Variants in COG3 observed in about 807,000 individuals in gnomAD.
COG3 encodes conserved oligomeric Golgi complex subunit 3.
COG3 carries 32 observed loss-of-function variants against 114.1 expected under a neutral mutation model. The observed-to-expected ratio is 0.28, with a 90% CI of 0.21 to 0.38. COG3 has a LOEUF of 0.38. Among genes scored for constraint, COG3 ranks in the 10% least tolerant of loss-of-function variants. The pLI is 1.00. For synonymous variants in COG3, 352 were observed against 365.7 expected, an observed-to-expected ratio of 0.96 and a Z score of 0.43; for missense variants, 813 against 973.2, an observed-to-expected ratio of 0.84 and a Z score of 2.19.
chr13:45,521,866 G>A (rs544057434), intron 19 of COG3, among the ~76,000 whole-genome samples: 3 of 144,456 alleles, frequency 2.1e-5, no homozygotes, highest in East Asian at 4.1e-4. Flanking sequence ...GCAGTGGCAC[G>A]ATCTCGGCTC....
chr13:45,528,430 G>A lies in COG3; in HGVS notation c.2231-1361G>A, dbSNP rs80159372. Among the ~76,000 whole-genome samples the A allele has an allele frequency of 7.9e-5, 12 of 152,222 alleles. No individual in the cohort carries two copies. The East Asian group carries it at 2.1e-3, about 27-fold the overall frequency. On this transcript the variant is annotated intron_variant, in intron 20 of 22. Coordinates refer to ENST00000349995, the MANE Select transcript of COG3 (RefSeq NM_031431.4). ...TCTGGATCAGGACCCCTTTCCAGTA[G>A]CAAGAGCATTGGTACTTTCTTACCC... is the stretch of plus-strand genomic sequence containing the variant.
intron 19 of COG3, 124 bp from the exon 20 acceptor site, chr13:45,524,852 T>G: frequency 1.8e-6 from 1 of 566,460 alleles, no homozygotes; most frequent in Non-Finnish European, 3.0e-6. Context: ...TGATTATCAT[T>G]GTGTTTTAAT....
rs61588778 is a variant in COG3 at position 45,496,404 on chromosome 13, G to A, written c.1488+92G>A. The A allele has an allele frequency of 1.2e-3, 1,250 of 1,009,368 alleles. 22 individuals are homozygous for A. In the East Asian group the frequency reaches 0.024, roughly 20 times the overall value. The allele number at this position is 1,009,368 out of a possible 1,614,324, so 62.5% of individuals were successfully genotyped here. A position where few individuals can be genotyped will look rare whatever the true frequency, so the allele number is the denominator to read the frequency against. On this transcript the variant is annotated intron_variant, in intron 13 of 22. Coordinates refer to ENST00000349995, the MANE Select transcript of COG3 (RefSeq NM_031431.4). ...TTTTAAAAATTTATATATTAAAATA[G>A]AGACAGGGTTTCCCCTTGTTGCCCA...
rs547124141 is a variant in COG3, at chr13:45,473,882, A to G, written c.175-2319A>G. On this transcript the variant is annotated intron_variant, in intron 1 of 22. Coordinates refer to ENST00000349995, the MANE Select transcript of COG3 (RefSeq NM_031431.4). ...TTGCTGATGACACTTTAGACTCAGG[A>G]TAAATTCTTACTGGATTTGAGAAAC... Among the ~76,000 whole-genome samples, 13 of 152,320 alleles carry G rather than the reference A, an allele frequency of 8.5e-5. No homozygotes were observed. The East Asian group carries it at 2.5e-3, about 29-fold the overall frequency.
intron 1 of COG3, 46 bp from the exon 2 acceptor site, chr13:45,476,155 G>T: frequency 1.3e-6 from 2 of 1,576,146 alleles, no homozygotes; most frequent in Admixed American, 1.7e-5. Context: ...TAAGTTCAGA[G>T]AATTTTCAAG....
chr13:45,471,727 G>GC (rs1885499570), intron 1 of COG3, among the ~76,000 whole-genome samples: 1 of 147,954 alleles, frequency 6.8e-6, no homozygotes, highest in African/African-American at 2.5e-5. Flanking sequence ...CTCAGCTTTT[G>GC]TTTTTTTTTT....
intron 3 of COG3, among the ~76,000 whole-genome samples, chr13:45,479,606 G>T (rs893998577): frequency 9.9e-5 from 15 of 152,220 alleles, no homozygotes; most frequent in Admixed American, 1.3e-4. Context: ...CGTAACAGCT[G>T]TGTGAGGAAG....
chr13:45,510,949 A>G (rs180805414), intron 15 of COG3, among the ~76,000 whole-genome samples: 11 of 152,336 alleles, frequency 7.2e-5, no homozygotes, highest in African/African-American at 2.4e-4. Flanking sequence ...GGGAGAAGCA[A>G]TGTAAAAAGA....
In COG3 at chr13:45,518,984, T is replaced by C. The variant is rs771802322; in HGVS notation, c.2044T>C (p.Tyr682His). The change falls in exon 19 of 23, where the codon TAT becomes CAT. Residue 682 changes from tyrosine (Y) to histidine (H), a missense_variant. Tyr to His is a moderately conservative substitution (Grantham distance 83, BLOSUM62 2). Coordinates refer to ENST00000349995, the MANE Select transcript of COG3 (RefSeq NM_031431.4). ...LEGTPEIREH[Y>H]LDSKKDVDRH... Reference sequence around the variant, plus strand: ...GGGTACTCCTGAGATAAGAGAACATTATCTTGACTCTAAAAAAGACGTAGA... The same window carrying C: ...GGGTACTCCTGAGATAAGAGAACATCATCTTGACTCTAAAAAAGACGTAGA... The C allele has an allele frequency of 5.6e-6, 9 of 1,614,136 alleles. No individual in the cohort carries two copies. Among genetic ancestry groups the C allele is most frequent in the Non-Finnish European group, 7.6e-6 (9 of 1,180,002 alleles).
At chr13:45,534,630 C>A in intron 22 of COG3, 72 bp from the exon 23 acceptor site, 1 of 1,175,600 alleles carries the variant, frequency 8.5e-7, no homozygotes, top group South Asian at 1.5e-5. Flanking sequence ...TGTGGTTCCC[C>A]TCCCTCCTTG....
chr13:45,524,864 G>C, intron 19 of COG3, 112 bp from the exon 20 acceptor site: 1 of 622,552 alleles, frequency 1.6e-6, no homozygotes, highest in Non-Finnish European at 2.7e-6. Context: ...TGTTTTAATA[G>C]GTTTAAATGG....
chr13:45,509,121 C>T (rs1870567528), intron 14 of COG3, among the ~76,000 whole-genome samples: 1 of 151,566 alleles, frequency 6.6e-6, no homozygotes, highest in Non-Finnish European at 1.5e-5. Context: ...CTCACTGTAA[C>T]CTCCGGCTCC....
chr13:45,486,316 G>A (rs1886649314), intron 7 of COG3, among the ~76,000 whole-genome samples, 179 bp from the exon 8 acceptor site: 1 of 51,918 alleles, frequency 1.9e-5, no homozygotes, highest in East Asian at 5.5e-4. Context: ...GGAGACGGGA[G>A]ACGGGAGACG....
At chr13:45,494,542 G>C (rs1868508430) in intron 12 of COG3, among the ~76,000 whole-genome samples, 1 of 151,850 alleles carries the variant, frequency 6.6e-6, no homozygotes, top group Admixed American at 6.6e-5. Context: ...TTTGGTTTTT[G>C]AGTTGGGGGT....
At chr13:45,470,058 T>C (rs1885378381) in intron 1 of COG3, among the ~76,000 whole-genome samples, 1 of 152,182 alleles carries the variant, frequency 6.6e-6, no homozygotes, top group African/African-American at 2.4e-5. Flanking sequence ...ACTTTTAAAA[T>C]AAGCACCCCT....
At chr13:45,480,096 G>A (rs779306789) in intron 3 of COG3, 29 bp from the exon 4 acceptor site, 3 of 1,552,366 alleles carry the variant, frequency 1.9e-6, no homozygotes, top group Non-Finnish European at 2.6e-6. Flanking sequence ...AAAGATTATT[G>A]CCAATCCCCT....
intron 16 of COG3, 148 bp from the exon 17 acceptor site, chr13:45,515,995 A>G: frequency 2.0e-6 from 1 of 491,692 alleles, no homozygotes. Flanking sequence ...TAATTCTAGC[A>G]TGGGGAGAGT....
chr13:45,495,516 C>G (rs1052836401), intron 12 of COG3, among the ~76,000 whole-genome samples: 6 of 151,968 alleles, frequency 3.9e-5, no homozygotes, highest in African/African-American at 1.5e-4. Context: ...GGTGAGATTA[C>G]AGATGCACAC....
intron 16 of COG3, among the ~76,000 whole-genome samples, chr13:45,512,543 G>T (rs1870978216): frequency 6.6e-6 from 1 of 152,074 alleles, no homozygotes; most frequent in African/African-American, 2.4e-5. Flanking sequence ...ATGTTGCTCA[G>T]GCTGGTCTCA....
Sources: gnomAD v4.1 joint callset for allele counts (sites outside exome capture counted in the v4.1 genomes callset) on GRCh38, gnomAD v4.1.1 for gene constraint, MANE v1.5 for transcripts, NCBI Gene and HGNC (gene_info 2026-07-23, HGNC 2026-07-21) for gene names.